The following B3GALT1 variants were observed in gnomAD, a reference collection of about 807,000 sequenced individuals.
B3GALT1 encodes the protein beta-1,3-galactosyltransferase 1.
A neutral mutation model predicts 23.2 loss-of-function variants in B3GALT1; 10 were observed. The observed-to-expected ratio is 0.43, with a 90% CI of 0.27 to 0.73. The LOEUF (loss-of-function observed/expected upper bound fraction) is 0.73. B3GALT1 is among the 30% of genes least tolerant of loss of function. The pLI is 0.21. For missense variants in B3GALT1, 299 were observed against 405.4 expected (o/e 0.74, Z 2.25); for synonymous variants, 156 against 141.5 (o/e 1.10, Z -0.73).
At chr2:167,430,658 GAGC>G (rs1162452401) in intron 1 of B3GALT1, among the ~76,000 whole-genome samples, 3 of 152,096 alleles carry the variant, frequency 2.0e-5, no homozygotes, top group Non-Finnish European at 2.9e-5. Context: ...GATGACCCCA[GAGC>G]TTTTGGTTTG....
intron 2 of B3GALT1, among the ~76,000 whole-genome samples, chr2:167,543,800 C>T (rs1683576894): frequency 6.6e-6 from 1 of 152,190 alleles, no homozygotes; most frequent in African/African-American, 2.4e-5. Flanking sequence ...TCTTGAGGGA[C>T]TTGGACCTGC....
At chr2:167,710,393 T>G (rs899918170) in intron 3 of B3GALT1, among the ~76,000 whole-genome samples, 4 of 152,174 alleles carry the variant, frequency 2.6e-5, no homozygotes, top group Non-Finnish European at 5.9e-5. Flanking sequence ...ATTTAAAACT[T>G]TTCATTTTAC....
chr2:167,706,972 C>T (rs978728733), intron 3 of B3GALT1, among the ~76,000 whole-genome samples: 1 of 152,212 alleles, frequency 6.6e-6, no homozygotes. Flanking sequence ...AAATCCTCTC[C>T]TTTGCTCTCT....
At chr2:167,319,525 A>G (rs1696771530) in intron 1 of B3GALT1, among the ~76,000 whole-genome samples, 1 of 152,136 alleles carries the variant, frequency 6.6e-6, no homozygotes, top group South Asian at 2.1e-4. Context: ...AGAAAATAGA[A>G]CAGTGTAAAG....
At chr2:167,624,995 C>T (rs549953266) in intron 2 of B3GALT1, among the ~76,000 whole-genome samples, 20 of 151,990 alleles carry the variant, frequency 1.3e-4, no homozygotes, top group African/African-American at 3.9e-4. Context: ...AATTTCATTC[C>T]ATAAAGAATA....
At chr2:167,539,459 G>A (rs1683497663) in intron 2 of B3GALT1, among the ~76,000 whole-genome samples, 2 of 152,226 alleles carry the variant, frequency 1.3e-5, no homozygotes, top group South Asian at 4.1e-4. Flanking sequence ...CCTGAATAAT[G>A]CATTACTTTG....
At chr2:167,526,240 T>C (rs1328043398) in intron 2 of B3GALT1, among the ~76,000 whole-genome samples, 1 of 152,158 alleles carries the variant, frequency 6.6e-6, no homozygotes, top group Non-Finnish European at 1.5e-5. Flanking sequence ...TCTATCCCTC[T>C]GTTTATATAT....
rs146078980 is a variant in B3GALT1 at position 167,830,414 on chromosome 2, C to T, written c.-230+11621C>T. 5.8e-3 allele frequency among the ~76,000 whole-genome samples: 880 copies of T among 151,878 alleles called. 14 individuals carry two copies. Among genetic ancestry groups the T allele is most frequent in the African/African-American group, 0.021 (850 of 41,394 alleles). ...AAGTTTGGTTAGACAATCAAGGAGA[C>T]GTGCAAATGTTCCCCAGCCTTCAGT... On this transcript the variant is annotated intron_variant, in intron 4 of 4. Transcript: ENST00000392690.
At chr2:167,557,404 T>A (rs1030170680) in intron 2 of B3GALT1, among the ~76,000 whole-genome samples, 4 of 152,220 alleles carry the variant, frequency 2.6e-5, no homozygotes, top group Non-Finnish European at 5.9e-5. Flanking sequence ...GAATGGAAAT[T>A]ACCTGATTGA....
chr2:167,495,326 CTTTTTTTTTTTT>C (rs954749958), intron 2 of B3GALT1, among the ~76,000 whole-genome samples: 1 of 57,884 alleles, frequency 1.7e-5, no homozygotes. Flanking sequence ...GCTTGCTTGC[CTTTTTTTTTTTT>C]TTTTTTTTTT....
chr2:167,622,431 A>G (rs1221214372), intron 2 of B3GALT1, among the ~76,000 whole-genome samples: 1 of 152,094 alleles, frequency 6.6e-6, no homozygotes, highest in Non-Finnish European at 1.5e-5. Context: ...GACAAAAGGC[A>G]ATGCCCTGAG....
intron 1 of B3GALT1, among the ~76,000 whole-genome samples, chr2:167,320,603 T>A (rs1696795618): frequency 6.6e-6 from 1 of 152,112 alleles, no homozygotes; most frequent in African/African-American, 2.4e-5. Context: ...ATTACCTCTT[T>A]GCTCTTTCTC....
At chr2:167,688,003 C>A (rs570730467) in intron 3 of B3GALT1, among the ~76,000 whole-genome samples, 18 of 152,058 alleles carry the variant, frequency 1.2e-4, no homozygotes, top group African/African-American at 3.6e-4. Context: ...TTTTTCTATG[C>A]TAGAAATTCA....
chr2:167,778,894 C>A (rs1408696617), intron 3 of B3GALT1, among the ~76,000 whole-genome samples: 1 of 152,206 alleles, frequency 6.6e-6, no homozygotes, highest in Non-Finnish European at 1.5e-5. Flanking sequence ...AACTGTCAGA[C>A]CTCATTGGAA....
intron 1 of B3GALT1, among the ~76,000 whole-genome samples, chr2:167,435,920 G>C (rs932690271): frequency 3.3e-5 from 5 of 150,326 alleles, no homozygotes; most frequent in African/African-American, 1.2e-4. Context: ...CTTGATCTCT[G>C]CTTTTCTCCA....
intron 2 of B3GALT1, among the ~76,000 whole-genome samples, chr2:167,598,319 A>G (rs1382782052): frequency 6.6e-6 from 1 of 152,128 alleles, no homozygotes; most frequent in African/African-American, 2.4e-5. Flanking sequence ...ACATGCATTT[A>G]TATATACATA....
rs545164270 is a variant in B3GALT1 at position 167,843,523 on chromosome 2, C to T, written c.-230+24730C>T. The stretch of plus-strand genomic sequence containing the variant: ...CTGATTTCAGCCTCTTAATAACTGC[C>T]GCTATGGTGCTGGAGACACTACCTA... On this transcript the variant is annotated intron_variant, in intron 4 of 4. Coordinates refer to ENST00000392690, the MANE Select transcript of B3GALT1 (RefSeq NM_020981.4). 1.5e-4 allele frequency among the ~76,000 whole-genome samples: 23 copies of T among 152,292 alleles called. No individual in the cohort carries two copies. The South Asian group carries it at 1.9e-3, about 12-fold the overall frequency.
chr2:167,341,602 C>G (rs540780971), intron 1 of B3GALT1, among the ~76,000 whole-genome samples: 31 of 151,854 alleles, frequency 2.0e-4, no homozygotes, highest in Non-Finnish European at 3.8e-4. Context: ...GAGGAGGTTG[C>G]AGTGAGCCGA....
At chr2:167,704,726 G>T (rs1019464776) in intron 3 of B3GALT1, among the ~76,000 whole-genome samples, 2 of 152,060 alleles carry the variant, frequency 1.3e-5, no homozygotes, top group Admixed American at 6.5e-5. Flanking sequence ...AAGAAAAAGA[G>T]AAAATGTCAT....
Sources: allele counts gnomAD v4.1 joint callset (sites outside exome capture counted in the v4.1 genomes callset), GRCh38; gene constraint gnomAD v4.1.1; transcripts MANE v1.5; gene names NCBI Gene and HGNC (gene_info 2026-07-23, HGNC 2026-07-21).